The following MARCHF10 variants were observed in gnomAD, a reference collection of about 807,000 sequenced individuals.
MARCHF10 encodes probable E3 ubiquitin-protein ligase MARCHF10.
MARCHF10 carries 64 observed loss-of-function variants against 76.2 expected under a neutral mutation model. The observed-to-expected ratio is 0.84, with a 90% CI of 0.69 to 1.03. The LOEUF is 1.03. Ranked by LOEUF, MARCHF10 falls within the 50% of genes least tolerant of loss-of-function variation. The pLI, the probability that MARCHF10 is intolerant of heterozygous loss-of-function variation, is 0.00. For missense variants in MARCHF10, 875 were observed against 958.0 expected, an observed-to-expected ratio of 0.91 and a Z score of 1.14; for synonymous variants, 340 against 357.5, an observed-to-expected ratio of 0.95 and a Z score of 0.55.
chr17:62,708,821 T>C (rs2089750088), intron 9 of MARCHF10, among the ~76,000 whole-genome samples: 1 of 152,146 alleles, frequency 6.6e-6, no homozygotes, highest in Non-Finnish European at 1.5e-5. Flanking sequence ...CCCAGCATCA[T>C]AAGAGGCAGG....
chr17:62,802,040 T>C (rs530200622), intron 1 of MARCHF10, among the ~76,000 whole-genome samples: 2 of 152,276 alleles, frequency 1.3e-5, no homozygotes, highest in East Asian at 3.9e-4. Flanking sequence ...GATTCGGTTC[T>C]AGAGCATGAC....
intron 5 of MARCHF10, among the ~76,000 whole-genome samples, chr17:62,744,152 C>A (rs1254420971): frequency 6.6e-6 from 1 of 152,136 alleles, no homozygotes; most frequent in Non-Finnish European, 1.5e-5. Context: ...GATATCCCCC[C>A]CGACCCCGCC....
At chr17:62,776,862 C>T (rs757655781) in intron 3 of MARCHF10, among the ~76,000 whole-genome samples, 3 of 152,140 alleles carry the variant, frequency 2.0e-5, no homozygotes, top group Non-Finnish European at 4.4e-5. Context: ...ACCAAAGGAA[C>T]CTGGTGTTTT....
chr17:62,806,604 A>AG (rs746815573), intron 1 of MARCHF10: 1 of 152,198 alleles, frequency 6.6e-6, no homozygotes, highest in Non-Finnish European at 1.5e-5. Context: ...AGAAGGAAGG[A>AG]GGGGGTCCTG....
rs541925854 is a variant in MARCHF10 at position 62,725,446 on chromosome 17, G to A, written c.1938-342C>T. On this transcript the variant is annotated intron_variant, in intron 6 of 10. Coordinates refer to ENST00000311269, the MANE Select transcript of MARCHF10 (RefSeq NM_152598.4). ...ACCTGGCTATTTTAAAAATTATTTT[G>A]TAGAGATGGAGTCTCACGATGTTGC... is the stretch of plus-strand genomic sequence containing the variant. Among the ~76,000 whole-genome samples, 12 of 152,220 alleles carry A rather than the reference G, an allele frequency of 7.9e-5. No homozygotes were observed. In the East Asian group the frequency reaches 2.1e-3, roughly 27 times the overall value.
chr17:62,805,818 A>G (rs528651611), intron 1 of MARCHF10, among the ~76,000 whole-genome samples: 1 of 152,208 alleles, frequency 6.6e-6, no homozygotes, highest in East Asian at 1.9e-4. Context: ...AGGCTGAGAC[A>G]GAAGAATCAC....
intron 2 of MARCHF10, among the ~76,000 whole-genome samples, chr17:62,792,547 G>GACTACCATTTCCAT (rs2092864132): frequency 8.9e-6 from 1 of 112,400 alleles, no homozygotes. Context: ...ACCACCACCT[G>GACTACCATTTCCAT]CACCACCACC....
At chr17:62,765,259 C>T (rs990233492) in intron 3 of MARCHF10, among the ~76,000 whole-genome samples, 4 of 146,428 alleles carry the variant, frequency 2.7e-5, no homozygotes, top group Admixed American at 1.4e-4. Context: ...AGCTGAGGCA[C>T]GAGAATTGCT....
At chr17:62,774,695 A>G (rs1009047147) in intron 3 of MARCHF10, among the ~76,000 whole-genome samples, 1 of 152,072 alleles carries the variant, frequency 6.6e-6, no homozygotes, top group Non-Finnish European at 1.5e-5. Flanking sequence ...CCTCTCTACC[A>G]CAGCTCCCCA....
chr17:62,713,835 G>T (rs1431342405), intron 8 of MARCHF10, among the ~76,000 whole-genome samples: 10 of 152,280 alleles, frequency 6.6e-5, no homozygotes, highest in African/African-American at 2.4e-4. Flanking sequence ...TTAATAGGAG[G>T]GGGCGGGGAC....
rs750192370 is a variant in MARCHF10 at position 62,701,647 on chromosome 17, T to A, written c.*56A>T. The A allele has an allele frequency of 2.5e-6, 4 of 1,612,938 alleles. No homozygotes were observed. Among genetic ancestry groups the A allele is most frequent in the East Asian group, 4.5e-5 (2 of 44,848 alleles). ...GGAGGGAGGGAGGCACTTGGGGACGTAGAAAGAAGGGCTGGCGGGAGAGGT... is the reference window on the plus strand; with the variant it reads ...GGAGGGAGGGAGGCACTTGGGGACGAAGAAAGAAGGGCTGGCGGGAGAGGT... On this transcript the variant is annotated 3_prime_UTR_variant, in exon 11 of 11. Transcript: ENST00000311269.
intron 3 of MARCHF10, among the ~76,000 whole-genome samples, chr17:62,787,461 G>C (rs2092765318): frequency 6.6e-6 from 1 of 152,012 alleles, no homozygotes; most frequent in African/African-American, 2.4e-5. Flanking sequence ...TATTAAATAG[G>C]AATTCATAAA....
intron 6 of MARCHF10, among the ~76,000 whole-genome samples, chr17:62,732,136 G>T (rs2091049721): frequency 6.6e-6 from 1 of 152,082 alleles, no homozygotes; most frequent in Non-Finnish European, 1.5e-5. Flanking sequence ...CATTAAAGAA[G>T]ACACAAACAA....
intron 1 of MARCHF10, among the ~76,000 whole-genome samples, chr17:62,805,919 AAT>A (rs1485118749): frequency 1.9e-3 from 125 of 64,642 alleles, no homozygotes; most frequent in Non-Finnish European, 2.6e-3. Flanking sequence ...AAAAAAAAAT[AAT>A]AATAATAATA....
At chr17:62,783,466 C>T (rs1315787207) in intron 3 of MARCHF10, among the ~76,000 whole-genome samples, 1 of 151,870 alleles carries the variant, frequency 6.6e-6, no homozygotes, top group African/African-American at 2.4e-5. Flanking sequence ...ATTAAAAGAA[C>T]TAGAAAAGCA....
intron 6 of MARCHF10, among the ~76,000 whole-genome samples, chr17:62,726,530 CAT>C (rs1307584283): frequency 6.6e-6 from 1 of 152,228 alleles, no homozygotes; most frequent in African/African-American, 2.4e-5. Context: ...TCAGGAAGAA[CAT>C]GTGTACATGG....
At position 62,769,243 on chromosome 17, in the gene MARCHF10, T is replaced by C. The variant is rs894662539; in HGVS notation, c.211-9237A>G. On this transcript the variant is annotated intron_variant, in intron 3 of 10. Coordinates refer to ENST00000311269, the MANE Select transcript of MARCHF10 (RefSeq NM_152598.4). ...CAGATTTCTCCAATGTAAAGGTACA[T>C]TTTTTCCCTTTGTAACTAGCAGGTA... 5.9e-5 allele frequency among the ~76,000 whole-genome samples: 9 copies of C among 152,204 alleles called. No individual in the cohort carries two copies. In the South Asian group the frequency reaches 6.2e-4, roughly 10 times the overall value.
At chr17:62,708,468 T>G (rs973049055) in intron 9 of MARCHF10, among the ~76,000 whole-genome samples, 1 of 152,080 alleles carries the variant, frequency 6.6e-6, no homozygotes, top group Admixed American at 6.6e-5. Context: ...ATGGTCTCGA[T>G]CTCCTGACCT....
In MARCHF10 at chr17:62,705,597, C is replaced by T; in HGVS notation, c.2329-16G>A. ...TTCTTGACAACTACAAGAAAGAAGA[C>T]AATGAGAAATGAATTGTTTTTTCCA... On this transcript the variant is annotated splice_polypyrimidine_tract_variant and intron_variant, in intron 9 of 10. Coordinates refer to ENST00000311269, the MANE Select transcript of MARCHF10 (RefSeq NM_152598.4). The T allele has an allele frequency of 6.2e-7, 1 of 1,613,304 alleles. No homozygotes were observed. Among genetic ancestry groups the T allele is most frequent in the Non-Finnish European group, 8.5e-7 (1 of 1,179,804 alleles).
Sources: gnomAD v4.1 joint callset for allele counts (sites outside exome capture counted in the v4.1 genomes callset) on GRCh38, gnomAD v4.1.1 for gene constraint, MANE v1.5 for transcripts, NCBI Gene and HGNC (gene_info 2026-07-23, HGNC 2026-07-21) for gene names.